DCC: variants seen among roughly 807,000 people sequenced by gnomAD.
The protein encoded by DCC is netrin receptor DCC.
A neutral mutation model predicts 172.5 loss-of-function variants in DCC; 58 were observed. The observed-to-expected ratio is 0.34, with a 90% CI of 0.27 to 0.42. The LOEUF is 0.42. Among genes scored for constraint, DCC ranks in the 10% least tolerant of loss-of-function variants. The pLI is 1.00. For missense variants in DCC, 1,740 were observed against 1,791.0 expected (o/e 0.97, Z 0.51); for synonymous variants, 709 against 644.5 (o/e 1.10, Z -1.52).
chr18:53,340,076 A>G (rs2057639900), intron 15 of DCC, among the ~76,000 whole-genome samples, 169 bp downstream of exon 15: 1 of 125,348 alleles, frequency 8.0e-6, no homozygotes, highest in Non-Finnish European at 1.8e-5. Context: ...ACACACACAC[A>G]TACACACACA....
At chr18:52,985,388 A>G (rs2041275940) in intron 5 of DCC, among the ~76,000 whole-genome samples, 1 of 152,180 alleles carries the variant, frequency 6.6e-6, no homozygotes, top group Admixed American at 6.5e-5. Context: ...CTCTGAAGAC[A>G]TTGCTTTATT....
chr18:52,855,155 C>T (rs368426172), intron 2 of DCC, among the ~76,000 whole-genome samples: 1 of 152,206 alleles, frequency 6.6e-6, no homozygotes, highest in Admixed American at 6.5e-5. Flanking sequence ...GTTCTCCTGT[C>T]TCCCAGGTTC....
chr18:52,470,445 T>A (rs1473565025), intron 1 of DCC, among the ~76,000 whole-genome samples: 1 of 152,214 alleles, frequency 6.6e-6, no homozygotes, highest in African/African-American at 2.4e-5. Flanking sequence ...TTATTCTGTG[T>A]GACTTTCAGA....
chr18:52,438,264 G>A (rs1987861039), intron 1 of DCC, among the ~76,000 whole-genome samples: 1 of 152,182 alleles, frequency 6.6e-6, no homozygotes, highest in Admixed American at 6.5e-5. Flanking sequence ...ACTTTGAGAT[G>A]TGCAAAAGCA....
At position 52,885,169 on chromosome 18, in the gene DCC, A is replaced by G. The variant is rs529791741; in HGVS notation, c.413-20875A>G. On this transcript the variant is annotated intron_variant, in intron 2 of 28. Transcript: ENST00000442544. ...TGTAACCACTACCTGGCTACCACCT[A>G]TGTTCACTCAAGGATGTAGGATTCT... Among the ~76,000 whole-genome samples, 7 of 152,056 alleles carry G rather than the reference A, an allele frequency of 4.6e-5. No homozygotes were observed. In the East Asian group the frequency reaches 7.8e-4, roughly 17 times the overall value.
intron 5 of DCC, among the ~76,000 whole-genome samples, chr18:53,053,224 A>G (rs537013246): frequency 1.3e-5 from 2 of 152,256 alleles, no homozygotes; most frequent in African/African-American, 4.8e-5. Context: ...ATAATTTTGC[A>G]TTCATTGATG....
chr18:53,110,569 C>A (rs940926211), intron 7 of DCC, among the ~76,000 whole-genome samples: 1 of 151,684 alleles, frequency 6.6e-6, no homozygotes, highest in Non-Finnish European at 1.5e-5. Flanking sequence ...ACAAACAACC[C>A]TATCAAAAAT....
chr18:52,471,491 A>T (rs776427948), intron 1 of DCC, among the ~76,000 whole-genome samples: 1 of 152,238 alleles, frequency 6.6e-6, no homozygotes, highest in African/African-American at 2.4e-5. Context: ...TGTAAGAAAG[A>T]TTACATTCTA....
chr18:52,546,672 A>T (rs2032626263), intron 1 of DCC, among the ~76,000 whole-genome samples: 2 of 151,938 alleles, frequency 1.3e-5, no homozygotes. Context: ...CATCATCATC[A>T]TCATCATCAT....
At chr18:52,569,849 CT>C (rs1455805649) in intron 1 of DCC, among the ~76,000 whole-genome samples, 22 of 152,138 alleles carry the variant, frequency 1.4e-4, no homozygotes, top group Non-Finnish European at 2.9e-5. Context: ...CATATCACTG[CT>C]ATTTGTATTT....
intron 22 of DCC, among the ~76,000 whole-genome samples, chr18:53,448,827 TG>T (rs1251075105): frequency 6.6e-6 from 1 of 152,170 alleles, no homozygotes; most frequent in Non-Finnish European, 1.5e-5. Flanking sequence ...CACTCCAGCA[TG>T]GGTGATAGAG....
chr18:53,463,011 A>G (rs2145174362), intron 24 of DCC, among the ~76,000 whole-genome samples: 1 of 152,388 alleles, frequency 6.6e-6, no homozygotes, highest in African/African-American at 2.4e-5. Flanking sequence ...CAGCAAGCCC[A>G]CTGCCTAAAC....
At chr18:53,512,018 C>T (rs1298163556) in intron 27 of DCC, among the ~76,000 whole-genome samples, 1 of 152,170 alleles carries the variant, frequency 6.6e-6, no homozygotes, top group Non-Finnish European at 1.5e-5. Flanking sequence ...GGGCAGGGCA[C>T]AGACAAAAAG....
chr18:52,498,341 TG>T (rs879679189), intron 1 of DCC, among the ~76,000 whole-genome samples: 1 of 152,122 alleles, frequency 6.6e-6, no homozygotes, highest in Non-Finnish European at 1.5e-5. Context: ...TGATGGATAC[TG>T]GCCAGGCACA....
At chr18:53,267,160 A>C (rs906139750) in intron 12 of DCC, among the ~76,000 whole-genome samples, 3 of 151,788 alleles carry the variant, frequency 2.0e-5, no homozygotes, top group Non-Finnish European at 4.4e-5. Context: ...AGAGAGAGAG[A>C]GAGAGACAGA....
At chr18:53,326,941 C>T (rs538691373) in intron 14 of DCC, among the ~76,000 whole-genome samples, 2 of 152,036 alleles carry the variant, frequency 1.3e-5, no homozygotes, top group African/African-American at 2.4e-5. Context: ...GTATAACTTA[C>T]CCCCCTGCTT....
chr18:52,452,524 T>C (rs567597119), intron 1 of DCC, among the ~76,000 whole-genome samples: 1 of 152,288 alleles, frequency 6.6e-6, no homozygotes, highest in Non-Finnish European at 1.5e-5. Flanking sequence ...TATTCCCTAC[T>C]CAGACTTAGC....
intron 2 of DCC, among the ~76,000 whole-genome samples, chr18:52,790,601 G>A (rs62083262): frequency 0.13 from 20,476 of 152,114 alleles, 1,663 homozygotes; most frequent in Middle Eastern, 0.25. Flanking sequence ...ATTTTATACC[G>A]TAAAAGAAGG....
chr18:53,341,410 C>A (rs2057658043), intron 15 of DCC, among the ~76,000 whole-genome samples: 1 of 152,108 alleles, frequency 6.6e-6, no homozygotes, highest in Non-Finnish European at 1.5e-5. Flanking sequence ...TTAACGTTGG[C>A]AAATCTCCCC....
Sources: gnomAD v4.1 joint callset for allele counts (sites outside exome capture counted in the v4.1 genomes callset) on GRCh38, gnomAD v4.1.1 for gene constraint, MANE v1.5 for transcripts, NCBI Gene and HGNC (gene_info 2026-07-23, HGNC 2026-07-21) for gene names.